The following ATE1 variants were observed in gnomAD, a reference collection of about 807,000 sequenced individuals.
ATE1 encodes the protein arginyltransferase 1, also known as arginyl-tRNA--protein transferase 1.
A neutral mutation model predicts 70.5 loss-of-function variants in ATE1; 36 were observed. That is an observed-to-expected ratio of 0.51 (90% confidence interval 0.39 to 0.67). The LOEUF (loss-of-function observed/expected upper bound fraction) is 0.67, where lower values mean the gene tolerates loss of function less well. Ranked by LOEUF, ATE1 falls within the 30% of genes least tolerant of loss-of-function variation. ATE1 has a pLI of 0.00. For missense variants in ATE1, 593 were observed against 629.5 expected (o/e 0.94, Z 0.62); for synonymous variants, 232 against 219.3 (o/e 1.06, Z -0.51).
At chr10:121,801,945 AAC>A (rs1946898868) in intron 10 of ATE1, among the ~76,000 whole-genome samples, 1 of 152,092 alleles carries the variant, frequency 6.6e-6, no homozygotes. Context: ...AAAAAAAAAA[AAC>A]ATGGGCCTTT....
At chr10:121,774,038 C>T (rs1166891746) in intron 11 of ATE1, among the ~76,000 whole-genome samples, 1 of 152,124 alleles carries the variant, frequency 6.6e-6, no homozygotes, top group African/African-American at 2.4e-5. Flanking sequence ...TTCTTGTCAT[C>T]TTGAATGCAG....
At chr10:121,917,028 G>C (rs1053272785) in intron 3 of ATE1, among the ~76,000 whole-genome samples, 1 of 152,070 alleles carries the variant, frequency 6.6e-6, no homozygotes, top group African/African-American at 2.4e-5. Flanking sequence ...GCCAGGCATA[G>C]TGGTGGGCGC....
chr10:121,901,458 T>C (rs1010254266), intron 6 of ATE1, among the ~76,000 whole-genome samples: 3 of 152,100 alleles, frequency 2.0e-5, no homozygotes, highest in Admixed American at 2.0e-4. Context: ...TTATGGCTAA[T>C]GTTTTTGAAT....
chr10:121,805,841 TA>T, intron 10 of ATE1, among the ~76,000 whole-genome samples: 1 of 152,312 alleles, frequency 6.6e-6, no homozygotes, highest in African/African-American at 2.4e-5. Context: ...CGCAGACCAC[TA>T]TATGACTATT....
intron 10 of ATE1, among the ~76,000 whole-genome samples, chr10:121,824,860 A>C (rs2133625678): frequency 6.6e-6 from 1 of 152,258 alleles, no homozygotes; most frequent in East Asian, 1.9e-4. Flanking sequence ...AAATGTAATC[A>C]TTTTGAAATG....
intron 7 of ATE1, among the ~76,000 whole-genome samples, chr10:121,880,167 A>G (rs758206046): frequency 3.9e-5 from 6 of 152,226 alleles, no homozygotes; most frequent in Non-Finnish European, 8.8e-5. Context: ...AAATGACTAT[A>G]TTAACATAAA....
intron 5 of ATE1, among the ~76,000 whole-genome samples, chr10:121,906,328 G>A (rs2134372100): frequency 6.6e-6 from 1 of 152,204 alleles, no homozygotes; most frequent in Middle Eastern, 3.4e-3. Flanking sequence ...AGGAGTTCAA[G>A]ACCAGCCTGT....
intron 10 of ATE1, among the ~76,000 whole-genome samples, chr10:121,802,896 A>G (rs1164810489): frequency 2.0e-5 from 3 of 152,190 alleles, no homozygotes; most frequent in Non-Finnish European, 4.4e-5. Flanking sequence ...GGGGAGACAA[A>G]CTTTAAGGAA....
chr10:121,810,560 G>A lies in ATE1; in HGVS notation c.1258-20271C>T, dbSNP rs772021665. ...GACAGGATTACAGGCGTGAGACACC[G>A]CGCCCGGCCACTAAATATGTATTTT... On this transcript the variant is annotated intron_variant, in intron 10 of 11. Coordinates refer to ENST00000224652, the MANE Select transcript of ATE1 (RefSeq NM_001001976.3). Among the ~76,000 whole-genome samples, 6 of 151,772 alleles carry A rather than the reference G, an allele frequency of 4.0e-5. No individual in the cohort carries two copies. The South Asian group carries it at 8.3e-4, about 21-fold the overall frequency.
intron 7 of ATE1, among the ~76,000 whole-genome samples, chr10:121,879,647 A>G (rs1272438913): frequency 6.6e-6 from 1 of 152,218 alleles, no homozygotes; most frequent in East Asian, 1.9e-4. Flanking sequence ...GAGTAAATGA[A>G]TATTCATAAT....
intron 7 of ATE1, among the ~76,000 whole-genome samples, chr10:121,886,294 TAA>T (rs34248913): frequency 6.9e-5 from 10 of 145,472 alleles, no homozygotes; most frequent in African/African-American, 1.0e-4. Flanking sequence ...ATTGATGATT[TAA>T]AAAAAAAAAA....
At chr10:121,873,411 C>T (rs1398036813) in intron 7 of ATE1, among the ~76,000 whole-genome samples, 1 of 152,130 alleles carries the variant, frequency 6.6e-6, no homozygotes, top group Non-Finnish European at 1.5e-5. Context: ...AAAGTATTCT[C>T]ATTTACCAAG....
chr10:121,916,618 G>A (rs1235548923), intron 3 of ATE1, among the ~76,000 whole-genome samples: 3 of 151,554 alleles, frequency 2.0e-5, no homozygotes, highest in African/African-American at 4.9e-5. Context: ...GGTGGATCAC[G>A]AGGTCAGGAG....
At chr10:121,862,798 T>A (rs1337010447) in intron 8 of ATE1, among the ~76,000 whole-genome samples, 1 of 152,088 alleles carries the variant, frequency 6.6e-6, no homozygotes, top group African/African-American at 2.4e-5. Context: ...AAAAGTGACC[T>A]CTAGTTGCCC....
chr10:121,782,562 A>G (rs1423313832), intron 11 of ATE1: 2 of 152,340 alleles, frequency 1.3e-5, no homozygotes, highest in East Asian at 3.9e-4. Context: ...AAATTTGCTT[A>G]TAAACAGGAT....
At chr10:121,926,595 AAAAT>A (rs1302978767) in intron 1 of ATE1, 2 of 552,728 alleles carry the variant, frequency 3.6e-6, no homozygotes, top group South Asian at 7.9e-5. Flanking sequence ...TTATTGGAAA[AAAAT>A]AAGTAATGAC....
At position 121,821,161 on chromosome 10, in the gene ATE1, GTCT is replaced by G. The variant is rs1446998118; in HGVS notation, c.1257+15554_1257+15556del. On this transcript the variant is annotated intron_variant, in intron 10 of 11. Coordinates refer to ENST00000224652, the MANE Select transcript of ATE1 (RefSeq NM_001001976.3). Reference sequence around the variant, plus strand: ...GGGTTTCACCATGTTAGCCAGGATGGTCTCGATCTCCTGACCTCGTGATCCACC... The same window carrying G: ...GGGTTTCACCATGTTAGCCAGGATGGCGATCTCCTGACCTCGTGATCCACC... 2.6e-5 allele frequency among the ~76,000 whole-genome samples: 4 copies of G among 152,244 alleles called. No individual in the cohort carries two copies. The East Asian group carries it at 7.8e-4, about 30-fold the overall frequency.
intron 8 of ATE1, among the ~76,000 whole-genome samples, chr10:121,867,383 C>A (rs1949699740): frequency 6.6e-6 from 1 of 152,210 alleles, no homozygotes; most frequent in Non-Finnish European, 1.5e-5. Flanking sequence ...GGAAAGCCAA[C>A]CCAGCCTAAT....
chr10:121,824,224 A>T (rs760778458), intron 10 of ATE1, among the ~76,000 whole-genome samples: 74 of 152,224 alleles, frequency 4.9e-4, no homozygotes, highest in Non-Finnish European at 7.9e-4. Flanking sequence ...ATGCTGAATC[A>T]AAAGAATCCA....
Sources: allele counts gnomAD v4.1 joint callset (sites outside exome capture counted in the v4.1 genomes callset), GRCh38; gene constraint gnomAD v4.1.1; transcripts MANE v1.5; gene names NCBI Gene and HGNC (gene_info 2026-07-23, HGNC 2026-07-21).